Variants in CIAO1 observed in about 807,000 individuals in gnomAD.
The protein encoded by CIAO1 is cytosolic iron-sulfur assembly component 1.
CIAO1 carries 32 observed loss-of-function variants against 43.1 expected under a neutral mutation model. The observed-to-expected ratio is 0.74, with a 90% CI of 0.56 to 1.00. CIAO1 has a LOEUF of 1.00. Ranked by LOEUF, CIAO1 falls within the 50% of genes least tolerant of loss-of-function variation. The pLI is 0.00. For missense variants in CIAO1, 415 were observed against 437.4 expected (o/e 0.95, Z 0.46); for synonymous variants, 183 against 171.4 (o/e 1.07, Z -0.53).
chr2:96,266,489 G>T lies in CIAO1; in HGVS notation c.139G>T (p.Gly47Cys). The change falls in exon 1 of 7, where the codon GGT becomes TGT. Residue 47 changes from glycine to cysteine, a missense_variant and splice_region_variant. Coordinates refer to ENST00000488633, the MANE Select transcript of CIAO1 (RefSeq NM_004804.3). ...DRRIRIWGTE[G>C]DSWICKSVLS... ...GAGAATCCGCATCTGGGGCACGGAG[G>T]GTAAGGCCCAGCCTGGTTGCGCGGC... 6.5e-7 allele frequency: 1 copy of T among 1,531,772 alleles called. No homozygotes were observed. The allele number at this position is 1,531,772 out of a possible 1,614,324, so 94.9% of individuals were successfully genotyped here.
chr2:96,269,357 TA>T lies in CIAO1; in HGVS notation c.779+4del. 6.2e-7 allele frequency: 1 copy of T among 1,612,946 alleles called. No individual in the cohort carries two copies. The highest frequency in any genetic ancestry group is 8.5e-7 in the Non-Finnish European group (1 of 1,178,940). On this transcript the variant is annotated splice_donor_region_variant and intron_variant, in intron 6 of 6. Transcript: ENST00000488633. ...AAGGACCATTTATGACATTGCTTGG[TA>T]AGACTCCATCCCCCCACCCCATCCC...
chr2:96,271,077 T>G, intron 6 of CIAO1, 34 bp from the exon 7 acceptor site: 1 of 1,612,484 alleles, frequency 6.2e-7, no homozygotes, highest in East Asian at 2.2e-5. Flanking sequence ...GCCTAATTAG[T>G]CAGGTATACC....
Position 96,268,499 on chromosome 2 carries a change from C to G in CIAO1, c.532C>G (p.Arg178Gly). Reference sequence around the variant, plus strand: ...CTATGATGACACAGTGAAGCTGTACCGGGAGGAAGAGGATGACTGGGTATG... The same window carrying G: ...CTATGATGACACAGTGAAGCTGTACGGGGAGGAAGAGGATGACTGGGTATG... ...ASYDDTVKLY[R>G]EEEDDWVCCA... The change falls in exon 5 of 7, where the codon CGG (arginine) becomes GGG (glycine). Residue 178 changes from arginine (R) to glycine (G), a missense_variant. By Grantham distance (125) the Arg-to-Gly change is moderately radical. Transcript: ENST00000488633. 1 of 1,614,240 alleles carries G rather than the reference C, an allele frequency of 6.2e-7. No homozygotes were observed. The highest frequency in any genetic ancestry group is 8.5e-7 in the Non-Finnish European group (1 of 1,180,046).
intron 5 of CIAO1, 49 bp from the exon 6 acceptor site, chr2:96,269,219 G>A (rs1684495816): frequency 1.3e-6 from 2 of 1,530,528 alleles, no homozygotes; most frequent in South Asian, 1.1e-5. Flanking sequence ...CTCCTTTGAG[G>A]TGCCCAGGAC....
chr2:96,271,342 A>C lies in CIAO1; in HGVS notation c.1011A>C (p.Glu337Asp). 6.2e-7 allele frequency: 1 copy of C among 1,613,872 alleles called. No individual in the cohort carries two copies. Among genetic ancestry groups the C allele is most frequent in the Non-Finnish European group, 8.5e-7 (1 of 1,179,984 alleles). ...CCTTCTGGAAGTATCAGCGGCCTGA[A>C]GGCCTCTGAGCTACCTCGACTTTGG... Reference protein sequence around the residue: ...EVAFWKYQRPEGL With the variant: ...EVAFWKYQRPDGL The change falls in exon 7 of 7, where the codon GAA (glutamate) becomes GAC (aspartate). Residue 337 changes from glutamate (E) to aspartate (D), a missense_variant. Glu to Asp is a conservative substitution (Grantham distance 45). Coordinates refer to ENST00000488633, the MANE Select transcript of CIAO1 (RefSeq NM_004804.3).
chr2:96,266,405 T>C lies in CIAO1; in HGVS notation c.55T>C (p.Cys19Arg), dbSNP rs1684430068. Residue 19 changes from cysteine to arginine, a missense_variant, in exon 1 of 7, where the codon TGC becomes CGC. Coordinates refer to ENST00000488633, the MANE Select transcript of CIAO1 (RefSeq NM_004804.3). ...TGTCCCGGCGCACCCGGACTCCCGC[T>C]GCTGGTTCCTGGCCTGGAACCCCGC... Reference protein sequence around the residue: ...GRVPAHPDSRCWFLAWNPAGT... With the variant: ...GRVPAHPDSRRWFLAWNPAGT... 6.5e-7 allele frequency: 1 copy of C among 1,544,948 alleles called. No individual in the cohort carries two copies. The highest frequency in any genetic ancestry group is 2.5e-5 in the East Asian group (1 of 40,242).
Position 96,271,347 on chromosome 2 carries a change from T to C in CIAO1, c.1016T>C (p.Leu339Pro). The change falls in exon 7 of 7, where the codon CTC becomes CCC. Residue 339 changes from leucine to proline, a missense_variant. Transcript: ENST00000488633. ...TGGAAGTATCAGCGGCCTGAAGGCC[T>C]CTGAGCTACCTCGACTTTGGACAGA... ...AFWKYQRPEG[L>P] The C allele has an allele frequency of 1.2e-6, 2 of 1,613,746 alleles. No homozygotes were observed.
chr2:96,267,665 C>T lies in CIAO1; in HGVS notation c.329C>T (p.Ser110Leu). 6.2e-7 allele frequency: 1 copy of T among 1,614,172 alleles called. No individual in the cohort carries two copies. The highest frequency in any genetic ancestry group is 8.5e-7 in the Non-Finnish European group (1 of 1,180,044). Residue 110 changes from serine to leucine, a missense_variant, in exon 3 of 7, where the codon TCA becomes TTA. Ser to Leu is a moderately radical substitution (Grantham distance 145). Transcript: ENST00000488633. Reference sequence around the variant, plus strand: ...GAGGGCCATGAAAATGAGGTCAAGTCAGTGGCTTGGGCCCCATCTGGCAAC... The same window carrying T: ...GAGGGCCATGAAAATGAGGTCAAGTTAGTGGCTTGGGCCCCATCTGGCAAC... ...TLEGHENEVKSVAWAPSGNLL... is the reference protein window; with the variant it reads ...TLEGHENEVKLVAWAPSGNLL...
rs3207833 is a variant in CIAO1 at position 96,273,603 on chromosome 2, C to T, written c.*2252C>T. ...GCTTGAACCCGGGAGGTGGAGGTTG[C>T]AGTGAGTCGAGATCGTGCCACTGGA... On this transcript the variant is annotated 3_prime_UTR_variant, in exon 7 of 7. Transcript: ENST00000488633. 5.6e-3 allele frequency among the ~76,000 whole-genome samples: 772 copies of T among 138,490 alleles called. 1 individual carries two copies. Among genetic ancestry groups the T allele is most frequent in the Non-Finnish European group, 7.6e-3 (504 of 66,624 alleles). The allele number at this position is 138,490 out of a possible 152,430, so 90.9% of individuals were successfully genotyped here. A position where few individuals can be genotyped will look rare whatever the true frequency, so the allele number is the denominator to read the frequency against.
Position 96,271,533 on chromosome 2 carries a change from C to G in CIAO1, c.*182C>G. 1 of 663,806 alleles carries G rather than the reference C, an allele frequency of 1.5e-6. No homozygotes were observed. Among genetic ancestry groups the G allele is most frequent in the Non-Finnish European group, 2.5e-6 (1 of 398,232 alleles). 41.1% of individuals were successfully genotyped at this position (663,806 alleles called of 1,614,324 possible). ...TTCCTTCCCCGCCTTTGACATGAGG[C>G]CTTCAGTAAAGAGCTACAGAACATG... On this transcript the variant is annotated 3_prime_UTR_variant, in exon 7 of 7. Coordinates refer to ENST00000488633, the MANE Select transcript of CIAO1 (RefSeq NM_004804.3).
At chr2:96,266,658 G>A (rs535765384) in intron 1 of CIAO1, among the ~76,000 whole-genome samples, 169 bp downstream of exon 1, 1 of 152,336 alleles carries the variant, frequency 6.6e-6, no homozygotes, top group Non-Finnish European at 1.5e-5. Flanking sequence ...ACTGTTGGGA[G>A]GAAAAACGTC....
At chr2:96,270,041 G>A (rs1365882057) in intron 6 of CIAO1, among the ~76,000 whole-genome samples, 1 of 152,112 alleles carries the variant, frequency 6.6e-6, no homozygotes, top group Admixed American at 6.5e-5. Context: ...GGGTAGTTCT[G>A]GCCCTGAGAA....
Position 96,266,528 on chromosome 2 carries a change from G to GGCTCAGCCTGCGCGTAGTGCAGGC in CIAO1, c.139+51_139+74dup, listed in dbSNP as rs746874378. 22 of 1,388,250 alleles carry GGCTCAGCCTGCGCGTAGTGCAGGC rather than the reference G, an allele frequency of 1.6e-5. No individual in the cohort carries two copies. In the Middle Eastern group the frequency reaches 5.9e-4, roughly 37 times the overall value. 86.0% of individuals were successfully genotyped at this position (1,388,250 alleles called of 1,614,324 possible). A position where few individuals can be genotyped will look rare whatever the true frequency, so the allele number is the denominator to read the frequency against. Reference sequence around the variant, plus strand: ...TGGTTGCGCGGCCCTCAGCGCTGAGGGCTCAGCCTGCGCGTAGTGCAGGCG... The same window carrying GGCTCAGCCTGCGCGTAGTGCAGGC: ...TGGTTGCGCGGCCCTCAGCGCTGAGGGCTCAGCCTGCGCGTAGTGCAGGCGCTCAGCCTGCGCGTAGTGCAGGCG... On this transcript the variant is annotated intron_variant, in intron 1 of 6. Transcript: ENST00000488633.
In CIAO1 at chr2:96,267,538, C is replaced by T. The variant is rs193273634; in HGVS notation, c.288+69C>T. ...CCAGGGCTGGTTCAGGAACCTGAGC[C>T]AACCTGCGCCAGTTGGGCTGTACCC... On this transcript the variant is annotated intron_variant, in intron 2 of 6. Transcript: ENST00000488633. The T allele has an allele frequency of 6.3e-5, 101 of 1,608,754 alleles. No homozygotes were observed. The African/African-American group carries it at 1.2e-3, about 19-fold the overall frequency.
intron 6 of CIAO1, 150 bp downstream of exon 6, chr2:96,269,505 C>A: frequency 1.4e-6 from 1 of 720,016 alleles, no homozygotes; most frequent in South Asian, 1.7e-5. Flanking sequence ...CTCTACCATG[C>A]TGGTTTACAG....
chr2:96,270,969 T>G (rs1684538650), intron 6 of CIAO1, 142 bp from the exon 7 acceptor site: 3 of 965,092 alleles, frequency 3.1e-6, no homozygotes, highest in Non-Finnish European at 4.6e-6. Flanking sequence ...TATTTGTGAC[T>G]CCTTATTAGT....
In CIAO1 at chr2:96,272,471, T is replaced by C. The variant is rs771619810; in HGVS notation, c.*1120T>C. 1.3e-5 allele frequency: 2 copies of C among 152,214 alleles called. No individual in the cohort carries two copies. Among genetic ancestry groups the C allele is most frequent in the Non-Finnish European group, 2.9e-5 (2 of 68,044 alleles). The allele number at this position is 152,214 out of a possible 1,614,324, so 9.4% of individuals were successfully genotyped here. A position where few individuals can be genotyped will look rare whatever the true frequency, so the allele number is the denominator to read the frequency against. On this transcript the variant is annotated 3_prime_UTR_variant, in exon 7 of 7. Transcript: ENST00000488633. The stretch of plus-strand genomic sequence containing the variant: ...CAAGGTGGTGGCAGCAAACTTCTAG[T>C]AGTTTTGATATGTCCTTGATAGAAC...
rs982394031 is a variant in CIAO1, at chr2:96,273,555, C to T, written c.*2204C>T. Reference sequence around the variant, plus strand: ...CAGATCCCTTGTAGTCCCAGCTACTCGGGAGGCTGAGGCAGGAGAATAGCT... The same window carrying T: ...CAGATCCCTTGTAGTCCCAGCTACTTGGGAGGCTGAGGCAGGAGAATAGCT... On this transcript the variant is annotated 3_prime_UTR_variant, in exon 7 of 7. Coordinates refer to ENST00000488633, the MANE Select transcript of CIAO1 (RefSeq NM_004804.3). 1.3e-5 allele frequency among the ~76,000 whole-genome samples: 2 copies of T among 148,516 alleles called. No individual in the cohort carries two copies. Among genetic ancestry groups the T allele is most frequent in the East Asian group, 2.0e-4 (1 of 4,944 alleles).
At chr2:96,269,651 G>GT (rs1358716024) in intron 6 of CIAO1, among the ~76,000 whole-genome samples, 2 of 151,276 alleles carry the variant, frequency 1.3e-5, no homozygotes, top group Non-Finnish European at 1.5e-5. Context: ...GTTTTTTTTT[G>GT]TTTTTTTGTT....
Sources: allele counts gnomAD v4.1 joint callset (sites outside exome capture counted in the v4.1 genomes callset), GRCh38; gene constraint gnomAD v4.1.1; transcripts MANE v1.5; gene names NCBI Gene and HGNC (gene_info 2026-07-23, HGNC 2026-07-21).